NTM: variants seen among roughly 807,000 people sequenced by gnomAD.
The protein encoded by NTM is neurotrimin.
A neutral mutation model predicts 42.1 loss-of-function variants in NTM; 13 were observed. That is an observed-to-expected ratio of 0.31 (90% CI 0.20 to 0.49). The LOEUF is 0.49. Ranked by LOEUF, NTM falls within the 20% of genes least tolerant of loss-of-function variation. The probability of loss-of-function intolerance (pLI) is 0.99; values close to 1 mark genes in which losing one functional copy is unlikely to be tolerated. For missense variants in NTM, 373 were observed against 452.8 expected (o/e 0.82, Z 1.60); for synonymous variants, 187 against 179.2 (o/e 1.04, Z -0.35).
At chr11:131,903,059 G>T (rs1048340982) in intron 1 of NTM, among the ~76,000 whole-genome samples, 3 of 151,306 alleles carry the variant, frequency 2.0e-5, no homozygotes, top group African/African-American at 4.9e-5. Flanking sequence ...AAAGGAGAGA[G>T]AATCCAAATA....
chr11:131,485,649 A>G (rs1039695027), intron 1 of NTM, among the ~76,000 whole-genome samples: 2 of 152,240 alleles, frequency 1.3e-5, no homozygotes, highest in African/African-American at 4.8e-5. Flanking sequence ...TAAATTAGCA[A>G]TAAGTCAACT....
At chr11:131,556,297 G>A (rs1392730806) in intron 1 of NTM, among the ~76,000 whole-genome samples, 1 of 152,120 alleles carries the variant, frequency 6.6e-6, no homozygotes, top group African/African-American at 2.4e-5. Context: ...AGGGAAGCAG[G>A]TAGACAGAAT....
intron 2 of NTM, among the ~76,000 whole-genome samples, chr11:131,995,669 G>C (rs1395073783): frequency 6.6e-6 from 1 of 152,106 alleles, no homozygotes; most frequent in Non-Finnish European, 1.5e-5. Flanking sequence ...TGAAATGCCA[G>C]GGGTTTGGTC....
chr11:131,751,294 A>G (rs990008035), intron 1 of NTM, among the ~76,000 whole-genome samples: 3 of 151,828 alleles, frequency 2.0e-5, no homozygotes, highest in African/African-American at 7.3e-5. Flanking sequence ...AAATAAATAA[A>G]TAAATAAAAA....
chr11:131,400,594 T>G (rs1945026608), intron 1 of NTM, among the ~76,000 whole-genome samples: 1 of 152,196 alleles, frequency 6.6e-6, no homozygotes, highest in South Asian at 2.1e-4. Context: ...AGAATAGATG[T>G]AAATGTGTTG....
chr11:131,823,101 G>T (rs531855370), intron 1 of NTM, among the ~76,000 whole-genome samples: 1 of 152,156 alleles, frequency 6.6e-6, no homozygotes, highest in African/African-American at 2.4e-5. Flanking sequence ...ATAGAAGCAC[G>T]TCTACGTTAG....
At chr11:132,088,127 C>T (rs2059957456) in intron 2 of NTM, among the ~76,000 whole-genome samples, 1 of 152,112 alleles carries the variant, frequency 6.6e-6, no homozygotes, top group Non-Finnish European at 1.5e-5. Flanking sequence ...GGTGGAACAC[C>T]CCCAATATTG....
intron 1 of NTM, among the ~76,000 whole-genome samples, chr11:131,682,148 G>A (rs1430403787): frequency 1.3e-5 from 2 of 151,902 alleles, no homozygotes; most frequent in African/African-American, 4.9e-5. Flanking sequence ...CCTGGCACGA[G>A]GGATGCCTGG....
chr11:131,974,381 G>A (rs1275478067), intron 2 of NTM, among the ~76,000 whole-genome samples: 2 of 152,070 alleles, frequency 1.3e-5, no homozygotes, highest in Non-Finnish European at 2.9e-5. Flanking sequence ...TTTAAGATAG[G>A]AGTCCTTTTG....
intron 4 of NTM, among the ~76,000 whole-genome samples, chr11:132,229,837 T>A (rs2087118664): frequency 6.6e-6 from 1 of 152,200 alleles, no homozygotes; most frequent in African/African-American, 2.4e-5. Context: ...ACATGGCAAG[T>A]CTTGGCATGT....
chr11:131,799,354 T>C (rs2091908566), intron 1 of NTM, among the ~76,000 whole-genome samples: 1 of 152,176 alleles, frequency 6.6e-6, no homozygotes, highest in Non-Finnish European at 1.5e-5. Flanking sequence ...CATCAGGAAA[T>C]GCTCTTTTTT....
At chr11:132,302,177 C>T (rs1464834820) in intron 4 of NTM, among the ~76,000 whole-genome samples, 2 of 152,140 alleles carry the variant, frequency 1.3e-5, no homozygotes, top group Non-Finnish European at 2.9e-5. Flanking sequence ...CTTCATTTCC[C>T]TGCTTCGGTT....
intron 1 of NTM, among the ~76,000 whole-genome samples, chr11:131,633,503 A>G (rs750469491): frequency 1.3e-5 from 2 of 151,780 alleles, no homozygotes; most frequent in Non-Finnish European, 2.9e-5. Flanking sequence ...TATCCTTTTC[A>G]CTGTTTGAAT....
intron 2 of NTM, among the ~76,000 whole-genome samples, chr11:132,111,028 C>T (rs948031223): frequency 1.7e-5 from 2 of 121,100 alleles, no homozygotes; most frequent in African/African-American, 6.4e-5. Flanking sequence ...TGTGCCACTG[C>T]ACACAAGCCT....
chr11:131,939,072 A>G (rs939212692), intron 2 of NTM, among the ~76,000 whole-genome samples: 1 of 152,190 alleles, frequency 6.6e-6, no homozygotes, highest in African/African-American at 2.4e-5. Context: ...AGATCAGCTT[A>G]TATTTGTTCT....
intron 2 of NTM, among the ~76,000 whole-genome samples, chr11:131,959,762 T>A (rs2061942058): frequency 6.6e-6 from 1 of 152,208 alleles, no homozygotes; most frequent in Non-Finnish European, 1.5e-5. Flanking sequence ...AAAGCTACTA[T>A]CAACAGGGTT....
At chr11:132,197,169 G>A (rs1222248178) in intron 3 of NTM, among the ~76,000 whole-genome samples, 1 of 152,152 alleles carries the variant, frequency 6.6e-6, no homozygotes, top group African/African-American at 2.4e-5. Flanking sequence ...AGCCAGTAAG[G>A]TAAGTAGAGA....
chr11:131,681,254 T>TC, intron 1 of NTM, among the ~76,000 whole-genome samples: 1 of 50,434 alleles, frequency 2.0e-5, no homozygotes, highest in African/African-American at 5.1e-5. Context: ...AGCGTGTGTT[T>TC]CTGTGTCTGT....
intron 4 of NTM, among the ~76,000 whole-genome samples, chr11:132,289,093 A>G (rs1403848292): frequency 6.6e-6 from 1 of 152,182 alleles, no homozygotes; most frequent in African/African-American, 2.4e-5. Flanking sequence ...TTGTTTTAAA[A>G]GTGTTCACCT....
Sources: gnomAD v4.1 joint callset for allele counts (sites outside exome capture counted in the v4.1 genomes callset) on GRCh38, gnomAD v4.1.1 for gene constraint, MANE v1.5 for transcripts, NCBI Gene and HGNC (gene_info 2026-07-23, HGNC 2026-07-21) for gene names.